CLVS1: variants seen among roughly 807,000 people sequenced by gnomAD.
The protein encoded by CLVS1 is clavesin-1.
Under a neutral mutation model 33.1 loss-of-function variants are expected in CLVS1, and 10 were observed. The observed-to-expected ratio is 0.30, with a 90% CI of 0.19 to 0.51. The LOEUF (loss-of-function observed/expected upper bound fraction) is 0.51. CLVS1 is among the 20% of genes least tolerant of loss of function. The pLI is 0.97. For synonymous variants in CLVS1, 163 were observed against 166.1 expected (o/e 0.98, Z 0.14); for missense variants, 343 against 433.4 (o/e 0.79, Z 1.85).
intron 2 of CLVS1, among the ~76,000 whole-genome samples, chr8:61,331,838 CT>C (rs1811613500): frequency 6.7e-6 from 1 of 150,212 alleles, no homozygotes; most frequent in African/African-American, 2.5e-5. Flanking sequence ...CCTCCTCCTC[CT>C]CCTCCTCCTC....
At chr8:61,382,333 C>T (rs1813913445) in intron 3 of CLVS1, among the ~76,000 whole-genome samples, 1 of 152,106 alleles carries the variant, frequency 6.6e-6, no homozygotes, top group Non-Finnish European at 1.5e-5. Context: ...TGTATTCATC[C>T]AACATAAAAT....
chr8:61,147,209 C>A (rs16926938), intron 2 of CLVS1, among the ~76,000 whole-genome samples: 4,723 of 152,250 alleles, frequency 0.031, 234 homozygotes, highest in African/African-American at 0.11. Flanking sequence ...CCAGTGCAAA[C>A]CTCAAGCTGG....
chr8:61,283,434 C>G (rs1029639483), upstream of CLVS1, among the ~76,000 whole-genome samples: 1 of 152,164 alleles, frequency 6.6e-6, no homozygotes, highest in Non-Finnish European at 1.5e-5. Flanking sequence ...TGAGTTTGTA[C>G]TTCCTCTTGA....
intron 1 of CLVS1, among the ~76,000 whole-genome samples, chr8:61,122,467 G>T (rs1805890305): frequency 6.6e-6 from 1 of 151,894 alleles, no homozygotes; most frequent in Admixed American, 6.6e-5. Flanking sequence ...GTGACCTACT[G>T]GCAAGTCTTT....
At chr8:61,231,299 C>T (rs528739063) in intron 2 of CLVS1, among the ~76,000 whole-genome samples, 6 of 152,098 alleles carry the variant, frequency 3.9e-5, no homozygotes, top group Non-Finnish European at 8.8e-5. Context: ...CACACACACA[C>T]ACACACACTC....
At chr8:61,262,774 T>C (rs1215673888) in intron 2 of CLVS1, among the ~76,000 whole-genome samples, 3 of 152,140 alleles carry the variant, frequency 2.0e-5, no homozygotes, top group African/African-American at 7.2e-5. Context: ...GCGTTCAGGA[T>C]GCTCCCACCC....
At chr8:61,426,606 A>G (rs936250791) in intron 3 of CLVS1, among the ~76,000 whole-genome samples, 2 of 152,150 alleles carry the variant, frequency 1.3e-5, no homozygotes, top group Non-Finnish European at 2.9e-5. Context: ...GCCCCTGCCA[A>G]CTGGTATTGC....
intron 2 of CLVS1, among the ~76,000 whole-genome samples, chr8:61,203,710 G>A (rs1807785868): frequency 6.6e-6 from 1 of 152,178 alleles, no homozygotes; most frequent in Non-Finnish European, 1.5e-5. Context: ...GACACTTGGA[G>A]CTTGTCCCAC....
At chr8:61,357,498 T>TC (rs1812779877) in intron 2 of CLVS1, among the ~76,000 whole-genome samples, 10 of 95,462 alleles carry the variant, frequency 1.0e-4, no homozygotes, top group African/African-American at 4.0e-4. Context: ...TCTTTTCTTT[T>TC]TTTTTTTTTT....
At chr8:61,498,424 A>G (rs746517910) in intron 5 of CLVS1, among the ~76,000 whole-genome samples, 3 of 152,248 alleles carry the variant, frequency 2.0e-5, no homozygotes, top group Non-Finnish European at 4.4e-5. Context: ...TTTACTGCAC[A>G]TATATGTAAG....
At chr8:61,176,364 ACT>A (rs1165821829) in intron 2 of CLVS1, among the ~76,000 whole-genome samples, 1 of 151,992 alleles carries the variant, frequency 6.6e-6, no homozygotes, top group Non-Finnish European at 1.5e-5. Flanking sequence ...CTAACCCCGG[ACT>A]CATAAACAAG....
At chr8:61,237,395 C>A (rs958357091) in intron 2 of CLVS1, among the ~76,000 whole-genome samples, 1 of 152,150 alleles carries the variant, frequency 6.6e-6, no homozygotes, top group East Asian at 1.9e-4. Context: ...TGGCAGTGAG[C>A]TATGATTGCA....
At chr8:61,304,355 C>T (rs1342177112) in intron 2 of CLVS1, among the ~76,000 whole-genome samples, 1 of 152,204 alleles carries the variant, frequency 6.6e-6, no homozygotes, top group Non-Finnish European at 1.5e-5. Context: ...ATAGGCAGTG[C>T]CTGGGCTACC....
the CLVS1 span, among the ~76,000 whole-genome samples, chr8:61,033,454 G>A: frequency 1.3e-5 from 2 of 151,350 alleles, 1 homozygote; most frequent in South Asian, 4.2e-4. Context: ...TCCAGAGCAA[G>A]TCACAGGGCT....
chr8:61,300,395 A>G (rs1810384120), intron 2 of CLVS1, 113 bp downstream of exon 2: 5 of 977,676 alleles, frequency 5.1e-6, no homozygotes, highest in Non-Finnish European at 7.4e-6. Context: ...AATATTTCAC[A>G]TGTTCACCAA....
In CLVS1 at chr8:61,499,452, T is replaced by A; in HGVS notation, c.978-3T>A. 6.2e-7 allele frequency: 1 copy of A among 1,609,150 alleles called. No homozygotes were observed. Among genetic ancestry groups the A allele is most frequent in the Non-Finnish European group, 8.5e-7 (1 of 1,175,540 alleles). On this transcript the variant is annotated splice_polypyrimidine_tract_variant and splice_region_variant and intron_variant, in intron 5 of 5. Transcript: ENST00000325897. ...TCTGTCTTTTTCCCTCCCCTCTTGTTAGATCTCAGTCTGTGGTAGAAGCTG... is the reference window on the plus strand; with the variant it reads ...TCTGTCTTTTTCCCTCCCCTCTTGTAAGATCTCAGTCTGTGGTAGAAGCTG...
intron 5 of CLVS1, among the ~76,000 whole-genome samples, chr8:61,476,609 G>T (rs1042697959): frequency 2.7e-4 from 41 of 152,124 alleles, no homozygotes; most frequent in African/African-American, 9.4e-4. Context: ...GTCTATTATT[G>T]GTATATAAGA....
At chr8:61,277,030 A>G (rs1010681858) in intron 2 of CLVS1, among the ~76,000 whole-genome samples, 2 of 152,124 alleles carry the variant, frequency 1.3e-5, no homozygotes, top group African/African-American at 2.4e-5. Context: ...TAAATTCTTT[A>G]TCAATATCTT....
intron 1 of CLVS1, among the ~76,000 whole-genome samples, chr8:61,083,980 G>A (rs1388594989): frequency 1.3e-5 from 2 of 152,086 alleles, no homozygotes; most frequent in East Asian, 3.9e-4. Context: ...CAGCTGGGAA[G>A]AACAAATTAC....
Sources: gnomAD v4.1 joint callset for allele counts (sites outside exome capture counted in the v4.1 genomes callset) on GRCh38, gnomAD v4.1.1 for gene constraint, MANE v1.5 for transcripts, NCBI Gene and HGNC (gene_info 2026-07-23, HGNC 2026-07-21) for gene names.